Variants in BCKDHB observed in about 807,000 individuals in gnomAD.
BCKDHB encodes branched chain keto acid dehydrogenase E1 subunit beta, also known as 2-oxoisovalerate dehydrogenase subunit beta, mitochondrial.
BCKDHB carries 41 observed loss-of-function variants against 48.5 expected under a neutral mutation model. The ratio of observed to expected loss-of-function variants is 0.85; its 90% confidence interval spans 0.66 to 1.10. The LOEUF (loss-of-function observed/expected upper bound fraction) is 1.10. BCKDHB is among the 50% of genes least tolerant of loss of function. BCKDHB has a pLI of 0.00. For synonymous variants in BCKDHB, 201 were observed against 174.8 expected (o/e 1.15, Z -1.18); for missense variants, 496 against 494.2 (o/e 1.00, Z -0.03).
At chr6:80,282,745 A>G (rs776031239) in intron 9 of BCKDHB, among the ~76,000 whole-genome samples, 22 of 152,234 alleles carry the variant, frequency 1.4e-4, no homozygotes, top group Admixed American at 2.6e-4. Flanking sequence ...AACTTGCACT[A>G]TAAGTCTTTT....
At chr6:80,423,376 T>G in the BCKDHB span, among the ~76,000 whole-genome samples, 1 of 152,208 alleles carries the variant, frequency 6.6e-6, no homozygotes. Flanking sequence ...TAATACAGGC[T>G]CTAACAAAGA....
the BCKDHB span, among the ~76,000 whole-genome samples, chr6:80,432,527 C>G: frequency 6.6e-6 from 1 of 152,024 alleles, no homozygotes; most frequent in African/African-American, 2.4e-5. Context: ...TTTTTCGGCT[C>G]CATCTGGTCA....
chr6:80,169,173 G>A, intron 5 of BCKDHB, 143 bp downstream of exon 5: 1 of 1,147,578 alleles, frequency 8.7e-7, no homozygotes, highest in Non-Finnish European at 1.2e-6. Context: ...TTTAAGAAGG[G>A]GAGGTTAGCA....
At chr6:80,310,297 G>A (rs943106870) in intron 9 of BCKDHB, among the ~76,000 whole-genome samples, 1 of 151,968 alleles carries the variant, frequency 6.6e-6, no homozygotes, top group Non-Finnish European at 1.5e-5. Flanking sequence ...ATTGTCCCCA[G>A]TGTGTCCATG....
chr6:80,444,300 C>T, the BCKDHB span, among the ~76,000 whole-genome samples: 4 of 151,612 alleles, frequency 2.6e-5, no homozygotes, highest in Non-Finnish European at 5.9e-5. Context: ...AAGAAAATTG[C>T]TTTGGAATCT....
chr6:80,242,982 A>G (rs1247647907), intron 8 of BCKDHB, among the ~76,000 whole-genome samples: 3 of 152,152 alleles, frequency 2.0e-5, no homozygotes, highest in African/African-American at 7.2e-5. Context: ...ACATCTCTCG[A>G]TCGGGCAAAG....
the BCKDHB span, among the ~76,000 whole-genome samples, chr6:80,432,090 G>A: frequency 5.3e-5 from 8 of 151,934 alleles, no homozygotes; most frequent in African/African-American, 1.9e-4. Flanking sequence ...TTCCCTTTGT[G>A]GGTAACCTGA....
intron 8 of BCKDHB, among the ~76,000 whole-genome samples, chr6:80,268,002 G>C (rs1334258922): frequency 6.6e-6 from 1 of 152,056 alleles, no homozygotes; most frequent in African/African-American, 2.4e-5. Flanking sequence ...CCAAAATGGA[G>C]TTTTCAAGAC....
At chr6:80,340,748 G>T (rs542631003) in intron 9 of BCKDHB, among the ~76,000 whole-genome samples, 1 of 85,326 alleles carries the variant, frequency 1.2e-5, no homozygotes, top group Non-Finnish European at 2.5e-5. Flanking sequence ...CTACAAACTT[G>T]CCAGTGGGAT....
At chr6:80,460,104 A>C in the BCKDHB span, among the ~76,000 whole-genome samples, 6 of 152,264 alleles carry the variant, frequency 3.9e-5, no homozygotes, top group Non-Finnish European at 8.8e-5. Context: ...ATCCTTACTA[A>C]ATATACATTT....
At chr6:80,274,666 G>C (rs958630729) in intron 9 of BCKDHB, among the ~76,000 whole-genome samples, 10 of 151,938 alleles carry the variant, frequency 6.6e-5, no homozygotes, top group African/African-American at 2.4e-4. Flanking sequence ...ATTAAAAAAG[G>C]AAAACAAGTA....
intron 9 of BCKDHB, among the ~76,000 whole-genome samples, chr6:80,306,924 C>T (rs1294691483): frequency 6.6e-6 from 1 of 152,146 alleles, no homozygotes; most frequent in African/African-American, 2.4e-5. Flanking sequence ...AAGAACAATA[C>T]AGTCCTAGAT....
In BCKDHB at chr6:80,127,705, T is replaced by G. The variant is rs1770419005; in HGVS notation, c.274+81T>G. 11 of 1,255,302 alleles carry G rather than the reference T, an allele frequency of 8.8e-6. No homozygotes were observed. In the South Asian group the frequency reaches 1.3e-4, roughly 15 times the overall value. 77.8% of individuals were successfully genotyped at this position (1,255,302 alleles called of 1,614,324 possible). ...TTTGCTTAAAATATTTATGTGGAGC[T>G]CAATGGTTAACATTGTATCTACCTG... On this transcript the variant is annotated intron_variant, in intron 2 of 9. Transcript: ENST00000320393.
At chr6:80,307,539 C>T (rs753166796) in intron 9 of BCKDHB, 53 of 984,666 alleles carry the variant, frequency 5.4e-5, no homozygotes, top group Admixed American at 1.2e-4. Flanking sequence ...AAAACTTAAA[C>T]GTCTCCAGAT....
the BCKDHB span, among the ~76,000 whole-genome samples, chr6:80,418,067 G>T: frequency 1.7e-4 from 25 of 151,500 alleles, no homozygotes; most frequent in Non-Finnish European, 4.4e-5. Flanking sequence ...TCACTATCTT[G>T]TTTCAGAGAG....
chr6:80,343,799 T>A lies in BCKDHB; in HGVS notation c.1174T>A (p.Tyr392Asn). 1 of 1,613,886 alleles carries A rather than the reference T, an allele frequency of 6.2e-7. No individual in the cohort carries two copies. Among genetic ancestry groups the A allele is most frequent in the Non-Finnish European group, 8.5e-7 (1 of 1,179,922 alleles). The change falls in exon 10 of 10, where the codon TAT becomes AAT. Residue 392 changes from tyrosine to asparagine, a missense_variant. Coordinates refer to ENST00000320393, the MANE Select transcript of BCKDHB (RefSeq NM_183050.4). ...CYDALRKMIN[Y>N] ...TGATGCCCTTCGAAAAATGATCAAC[T>A]ATTGACCATATAGGTAGGTATGCAT... is the stretch of plus-strand genomic sequence containing the variant.
chr6:80,221,577 G>T (rs1409844926), intron 8 of BCKDHB, among the ~76,000 whole-genome samples: 1 of 151,880 alleles, frequency 6.6e-6, no homozygotes. Context: ...ATCATATTCT[G>T]TAAGTAAAAC....
chr6:80,442,635 A>G, the BCKDHB span, among the ~76,000 whole-genome samples: 1 of 152,242 alleles, frequency 6.6e-6, no homozygotes, highest in East Asian at 1.9e-4. Context: ...GAGAGGATAG[A>G]GAAGAGAGAA....
intron 8 of BCKDHB, among the ~76,000 whole-genome samples, chr6:80,219,194 A>G (rs1246293515): frequency 3.3e-5 from 5 of 150,712 alleles, no homozygotes; most frequent in African/African-American, 1.2e-4. Flanking sequence ...TCTTTTTTGG[A>G]ATTTACTCTT....
Sources: gnomAD v4.1 joint callset for allele counts (sites outside exome capture counted in the v4.1 genomes callset) on GRCh38, gnomAD v4.1.1 for gene constraint, MANE v1.5 for transcripts, NCBI Gene and HGNC (gene_info 2026-07-23, HGNC 2026-07-21) for gene names.